Variants in SGCD observed in about 807,000 individuals in gnomAD.
The protein encoded by SGCD is delta-sarcoglycan.
In SGCD, 18 loss-of-function variants were observed where a neutral mutation model predicts 36.6. That is an observed-to-expected ratio of 0.49 (90% CI 0.34 to 0.73). The LOEUF (loss-of-function observed/expected upper bound fraction) is 0.73, where lower values mean the gene tolerates loss of function less well. Ranked by LOEUF, SGCD falls within the 30% of genes least tolerant of loss-of-function variation. The probability of loss-of-function intolerance (pLI) is 0.01; values close to 1 mark genes in which losing one functional copy is unlikely to be tolerated. For synonymous variants in SGCD, 133 were observed against 130.6 expected (o/e 1.02, Z -0.12); for missense variants, 387 against 346.7 (o/e 1.12, Z -0.92).
intron 1 of SGCD, among the ~76,000 whole-genome samples, chr5:156,091,597 C>G (rs959580255): frequency 6.6e-6 from 1 of 152,198 alleles, no homozygotes; most frequent in Non-Finnish European, 1.5e-5. Context: ...GGTCCAGCCT[C>G]CTGGAATAGA....
chr5:155,789,017 C>G, the SGCD span, among the ~76,000 whole-genome samples: 1 of 152,088 alleles, frequency 6.6e-6, no homozygotes, highest in African/African-American at 2.4e-5. Context: ...GGGAGATAAA[C>G]TTTTTAAATT....
At chr5:156,523,084 C>G (rs1161287161) in intron 4 of SGCD, among the ~76,000 whole-genome samples, 1 of 152,072 alleles carries the variant, frequency 6.6e-6, no homozygotes, top group Non-Finnish European at 1.5e-5. Context: ...GTTAAAAGCA[C>G]CTAATAATTT....
chr5:156,733,604 A>C (rs1756192477), intron 7 of SGCD, among the ~76,000 whole-genome samples: 2 of 152,070 alleles, frequency 1.3e-5, no homozygotes, highest in African/African-American at 4.8e-5. Flanking sequence ...TGGGGTGTTA[A>C]AGTCTCCCAC....
At chr5:155,837,680 A>G in the SGCD span, among the ~76,000 whole-genome samples, 32 of 152,306 alleles carry the variant, frequency 2.1e-4, no homozygotes, top group African/African-American at 7.7e-4. Context: ...CAGAGCAGAA[A>G]TGTCTAGAAA....
chr5:156,164,957 A>G (rs748837628), intron 3 of SGCD, among the ~76,000 whole-genome samples: 4 of 152,264 alleles, frequency 2.6e-5, no homozygotes, highest in Non-Finnish European at 5.9e-5. Context: ...GAAAATTGAC[A>G]TGAAAATGTT....
the SGCD span, among the ~76,000 whole-genome samples, chr5:155,819,743 C>T: frequency 6.6e-6 from 1 of 152,164 alleles, no homozygotes; most frequent in Non-Finnish European, 1.5e-5. Context: ...CGGAGAGAAA[C>T]ATCTGTAGAG....
At chr5:155,753,352 AG>A in the SGCD span, among the ~76,000 whole-genome samples, 1 of 151,610 alleles carries the variant, frequency 6.6e-6, no homozygotes, top group Admixed American at 6.6e-5. Context: ...AAAGAAAGAA[AG>A]AAATGGGTCT....
intron 7 of SGCD, among the ~76,000 whole-genome samples, chr5:156,753,833 G>T (rs1008624896): frequency 6.6e-6 from 1 of 152,168 alleles, no homozygotes; most frequent in Non-Finnish European, 1.5e-5. Context: ...CCCATGACAC[G>T]TGGGGATTAT....
intron 6 of SGCD, among the ~76,000 whole-genome samples, chr5:156,617,733 G>GCACCCAGC (rs2113484480): frequency 6.6e-6 from 1 of 152,254 alleles, no homozygotes; most frequent in East Asian, 1.9e-4. Context: ...TCACCCAACA[G>GCACCCAGC]CACCCAGCCA....
At chr5:156,599,691 G>T (rs573058518) in intron 6 of SGCD, among the ~76,000 whole-genome samples, 2 of 152,310 alleles carry the variant, frequency 1.3e-5, no homozygotes, top group South Asian at 4.1e-4. Flanking sequence ...TTCTGGAAAA[G>T]ATATAGGAGG....
chr5:155,939,670 GA>G (rs1488922148), intron 1 of SGCD, among the ~76,000 whole-genome samples: 1 of 149,114 alleles, frequency 6.7e-6, no homozygotes, highest in Non-Finnish European at 1.5e-5. Flanking sequence ...TAATAATAAT[GA>G]AAAAAATCTC....
At chr5:155,791,024 A>C in the SGCD span, among the ~76,000 whole-genome samples, 3 of 152,160 alleles carry the variant, frequency 2.0e-5, no homozygotes, top group African/African-American at 7.2e-5. Flanking sequence ...TTCTTTGGAA[A>C]ACAAGTAGAA....
At chr5:156,626,335 C>A (rs373772138) in intron 6 of SGCD, among the ~76,000 whole-genome samples, 1 of 152,154 alleles carries the variant, frequency 6.6e-6, no homozygotes, top group Non-Finnish European at 1.5e-5. Flanking sequence ...CTGTAGTGCC[C>A]GGTGTCAGGC....
chr5:156,182,524 G>T (rs538824878), intron 3 of SGCD, among the ~76,000 whole-genome samples: 61 of 152,250 alleles, frequency 4.0e-4, no homozygotes, highest in African/African-American at 1.4e-3. Context: ...CCAGTATGGG[G>T]AGGTGGCGGT....
chr5:156,183,484 T>G (rs1415437289), intron 3 of SGCD, among the ~76,000 whole-genome samples: 1 of 152,196 alleles, frequency 6.6e-6, no homozygotes, highest in Non-Finnish European at 1.5e-5. Context: ...CTCAGTTTAC[T>G]GCAGCCTTCA....
intron 3 of SGCD, among the ~76,000 whole-genome samples, chr5:156,294,377 A>G (rs1416605634): frequency 6.6e-6 from 1 of 152,106 alleles, no homozygotes; most frequent in Admixed American, 6.6e-5. Context: ...CAAGAGGATC[A>G]CTTGAGGTTC....
chr5:156,599,764 C>A (rs1291136488), intron 6 of SGCD, among the ~76,000 whole-genome samples: 1 of 152,214 alleles, frequency 6.6e-6, no homozygotes, highest in South Asian at 2.1e-4. Context: ...CTGGGGAAAG[C>A]AGAGCAACCA....
At chr5:155,846,869 T>G in the SGCD span, among the ~76,000 whole-genome samples, 2 of 152,222 alleles carry the variant, frequency 1.3e-5, no homozygotes, top group Admixed American at 6.5e-5. Flanking sequence ...TTATTTTCTA[T>G]TCAACCTCTC....
At chr5:156,083,356 G>T (rs951034845) in intron 1 of SGCD, among the ~76,000 whole-genome samples, 1 of 150,324 alleles carries the variant, frequency 6.7e-6, no homozygotes, top group African/African-American at 2.5e-5. Flanking sequence ...GTGCAATGGC[G>T]TGATCTCGGC....
Sources: allele counts gnomAD v4.1 joint callset (sites outside exome capture counted in the v4.1 genomes callset), GRCh38; gene constraint gnomAD v4.1.1; transcripts MANE v1.5; gene names NCBI Gene and HGNC (gene_info 2026-07-23, HGNC 2026-07-21).